The following ANXA8 variants were observed in gnomAD, a reference collection of about 807,000 sequenced individuals.
The protein encoded by ANXA8 is VAC-beta.
In ANXA8, 9 loss-of-function variants were observed where a neutral mutation model predicts 26.8. That is an observed-to-expected ratio of 0.34 (90% CI 0.20 to 0.59). The LOEUF is 0.59. ANXA8 is among the 20% of genes least tolerant of loss of function. ANXA8 has a pLI of 0.84. For missense variants in ANXA8, 83 were observed against 238.5 expected (o/e 0.35, Z 4.29); for synonymous variants, 39 against 94.8 (o/e 0.41, Z 3.42).
chr10:47,570,826 T>C, the ANXA8 span, among the ~76,000 whole-genome samples: 1 of 148,594 alleles, frequency 6.7e-6, no homozygotes, highest in Non-Finnish European at 1.5e-5. Context: ...AGGAAAAAAG[T>C]CATGAAATAA....
At chr10:47,755,400 C>T in the ANXA8 span, among the ~76,000 whole-genome samples, 7 of 152,176 alleles carry the variant, frequency 4.6e-5, no homozygotes, top group Admixed American at 1.3e-4. Context: ...GGACTACAGG[C>T]GCCAGCCACC....
chr10:47,952,267 TA>T, the ANXA8 span, among the ~76,000 whole-genome samples: 413 of 151,432 alleles, frequency 2.7e-3, no homozygotes, highest in Non-Finnish European at 5.3e-3. Flanking sequence ...CCAAAAGTCC[TA>T]GGTGGTGCAA....
At chr10:47,646,215 A>G in the ANXA8 span, among the ~76,000 whole-genome samples, 1 of 138,596 alleles carries the variant, frequency 7.2e-6, no homozygotes, top group African/African-American at 3.0e-5. Context: ...GAGAACCTTA[A>G]CTAATATAGT....
the ANXA8 span, among the ~76,000 whole-genome samples, chr10:47,698,684 A>G: frequency 6.6e-6 from 1 of 152,224 alleles, no homozygotes; most frequent in Non-Finnish European, 1.5e-5. Flanking sequence ...TACTAAAAAT[A>G]TGGAAAAATT....
At chr10:47,920,659 T>A in the ANXA8 span, 1 of 106,732 alleles carries the variant, frequency 9.4e-6, no homozygotes, top group East Asian at 2.5e-4. Context: ...TCGAATAGGG[T>A]TTTCTGCTAC....
the ANXA8 span, among the ~76,000 whole-genome samples, chr10:47,674,693 G>A: frequency 6.6e-6 from 1 of 151,766 alleles, no homozygotes; most frequent in Non-Finnish European, 1.5e-5. Flanking sequence ...CTTCTGCATG[G>A]AAGATTTGTC....
the ANXA8 span, among the ~76,000 whole-genome samples, chr10:47,669,485 G>A: frequency 6.6e-6 from 1 of 151,528 alleles, no homozygotes; most frequent in Admixed American, 6.6e-5. Context: ...TTGGGAGGTC[G>A]AGGCAGGTAG....
chr10:47,953,836 A>C, the ANXA8 span, among the ~76,000 whole-genome samples: 2 of 150,772 alleles, frequency 1.3e-5, no homozygotes, highest in Non-Finnish European at 2.9e-5. Context: ...TCAAAACTAC[A>C]ATGGGATCTC....
chr10:47,681,230 A>G, the ANXA8 span, among the ~76,000 whole-genome samples: 1 of 151,980 alleles, frequency 6.6e-6, no homozygotes, highest in Middle Eastern at 3.4e-3. Flanking sequence ...TTGGAAGTAG[A>G]GCACGGGGAA....
At chr10:47,469,515 C>T (rs1839247423) in intron 11 of ANXA8, among the ~76,000 whole-genome samples, 2 of 151,568 alleles carry the variant, frequency 1.3e-5, no homozygotes, top group African/African-American at 2.4e-5. Flanking sequence ...CACATCGGGT[C>T]CACAGTGTTT....
the ANXA8 span, among the ~76,000 whole-genome samples, chr10:47,541,415 CTG>C: frequency 2.9e-5 from 4 of 136,770 alleles, no homozygotes; most frequent in Non-Finnish European, 6.2e-5. Flanking sequence ...TACATAAAGA[CTG>C]TATAGAAAAA....
At chr10:47,670,641 G>T in the ANXA8 span, among the ~76,000 whole-genome samples, 20 of 151,980 alleles carry the variant, frequency 1.3e-4, no homozygotes, top group African/African-American at 3.6e-4. Flanking sequence ...TCATGTGCTT[G>T]TTGGCCATTT....
chr10:47,674,312 A>G, the ANXA8 span, among the ~76,000 whole-genome samples: 1 of 150,434 alleles, frequency 6.6e-6, no homozygotes, highest in Admixed American at 6.7e-5. Flanking sequence ...TTTTTTTTTT[A>G]ATAGAGACAG....
the ANXA8 span, among the ~76,000 whole-genome samples, chr10:47,646,763 C>G: frequency 2.0e-5 from 3 of 151,940 alleles, no homozygotes; most frequent in Non-Finnish European, 2.9e-5. Flanking sequence ...GCCCCACATA[C>G]TTGAAAGTCT....
the ANXA8 span, among the ~76,000 whole-genome samples, chr10:47,744,431 A>AGGGGGGGGTGGGGGGGG: frequency 1.9e-4 from 1 of 5,398 alleles, no homozygotes; most frequent in Non-Finnish European, 3.1e-4. Flanking sequence ...GTTGGGGGGG[A>AGGGGGGGGTGGGGGGGG]GGGGGGAAGA....
the ANXA8 span, among the ~76,000 whole-genome samples, chr10:47,894,751 A>AACACACCACATAT: frequency 3.3e-5 from 5 of 152,056 alleles, no homozygotes; most frequent in Admixed American, 2.0e-4. Context: ...ATACAGCACA[A>AACACACCACATAT]ACACACCACA....
the ANXA8 span, among the ~76,000 whole-genome samples, chr10:47,743,397 T>A: frequency 1.2e-3 from 128 of 110,008 alleles, no homozygotes; most frequent in African/African-American, 3.0e-3. Flanking sequence ...TGTGTGTGTG[T>A]GTGTGTGTGA....
chr10:47,970,483 C>A, the ANXA8 span: 2 of 151,082 alleles, frequency 1.3e-5, no homozygotes, highest in African/African-American at 4.8e-5. Context: ...TCTTTTGGAG[C>A]CTCCATCCAC....
chr10:47,619,645 T>A, the ANXA8 span, among the ~76,000 whole-genome samples: 1 of 119,098 alleles, frequency 8.4e-6, no homozygotes, highest in East Asian at 2.1e-4. Flanking sequence ...ATGATAGAAA[T>A]CTGTATCTTA....
Sources: gnomAD v4.1 joint callset for allele counts (sites outside exome capture counted in the v4.1 genomes callset) on GRCh38, gnomAD v4.1.1 for gene constraint, MANE v1.5 for transcripts, NCBI Gene and HGNC (gene_info 2026-07-23, HGNC 2026-07-21) for gene names.